DOCK2: variants seen among roughly 807,000 people sequenced by gnomAD.
DOCK2 encodes the protein dedicator of cytokinesis 2, also known as dedicator of cytokinesis protein 2.
A neutral mutation model predicts 248.9 loss-of-function variants in DOCK2; 87 were observed. The observed-to-expected ratio is 0.35, with a 90% CI of 0.29 to 0.42. DOCK2 has a LOEUF of 0.42. Among genes scored for constraint, DOCK2 ranks in the 10% least tolerant of loss-of-function variants. DOCK2 has a pLI of 1.00. For missense variants in DOCK2, 1,747 were observed against 2,300.2 expected (o/e 0.76, Z 4.92); for synonymous variants, 805 against 821.6 (o/e 0.98, Z 0.35).
intron 27 of DOCK2, among the ~76,000 whole-genome samples, chr5:169,931,177 G>A (rs6862278): frequency 0.1 from 15,482 of 152,206 alleles, 1,789 homozygotes; most frequent in African/African-American, 0.29. Context: ...AGTCATGAAA[G>A]TTACCTTCCT....
At chr5:169,888,107 A>G (rs749626546) in intron 27 of DOCK2, among the ~76,000 whole-genome samples, 1 of 152,254 alleles carries the variant, frequency 6.6e-6, no homozygotes, top group Non-Finnish European at 1.5e-5. Flanking sequence ...TTTTAGACAG[A>G]GCCTAGGAAG....
chr5:170,057,678 A>G lies in DOCK2; in HGVS notation c.4467+12A>G. 6.3e-7 allele frequency: 1 copy of G among 1,594,628 alleles called. No individual in the cohort carries two copies. Among genetic ancestry groups the G allele is most frequent in the Non-Finnish European group, 8.6e-7 (1 of 1,168,366 alleles). ...TGCACATGTCGCAGGTGAGTCTGGGACATTCGTGGCAGGGCCACCCTTCCT... is the reference window on the plus strand; with the variant it reads ...TGCACATGTCGCAGGTGAGTCTGGGGCATTCGTGGCAGGGCCACCCTTCCT... On this transcript the variant is annotated intron_variant, in intron 44 of 51. Transcript: ENST00000520908.
intron 27 of DOCK2, among the ~76,000 whole-genome samples, chr5:169,917,856 C>T (rs1273843302): frequency 3.3e-5 from 5 of 152,160 alleles, no homozygotes. Context: ...AGCTGGTCTT[C>T]CCTTTCCACT....
intron 24 of DOCK2, chr5:169,761,264 A>G: frequency 2.7e-6 from 1 of 374,178 alleles, no homozygotes; most frequent in South Asian, 4.6e-5. Flanking sequence ...TGCAAAATGC[A>G]AAGTGTGTGC....
chr5:170,060,484 G>T (rs555891567), intron 44 of DOCK2, among the ~76,000 whole-genome samples: 34 of 152,296 alleles, frequency 2.2e-4, no homozygotes, highest in African/African-American at 7.9e-4. Context: ...GAATCAATGT[G>T]CTAGCTAAGT....
chr5:169,870,017 G>A (rs935012746), intron 27 of DOCK2, among the ~76,000 whole-genome samples: 2 of 152,112 alleles, frequency 1.3e-5, no homozygotes, highest in South Asian at 2.1e-4. Flanking sequence ...GCAAAATTCC[G>A]GACACGAGCC....
At chr5:169,902,140 A>G (rs570612798) in intron 27 of DOCK2, among the ~76,000 whole-genome samples, 1 of 152,328 alleles carries the variant, frequency 6.6e-6, no homozygotes, top group East Asian at 1.9e-4. Context: ...CAGAAATACC[A>G]CAAAAACACT....
intron 27 of DOCK2, among the ~76,000 whole-genome samples, chr5:169,865,699 T>TG (rs1238392556): frequency 2.0e-5 from 3 of 152,138 alleles, no homozygotes; most frequent in Non-Finnish European, 4.4e-5. Flanking sequence ...GTGTGGGAAG[T>TG]GGAGGAAACG....
chr5:169,892,343 A>G (rs1188976795), intron 27 of DOCK2, among the ~76,000 whole-genome samples: 3 of 152,236 alleles, frequency 2.0e-5, no homozygotes, highest in African/African-American at 7.2e-5. Flanking sequence ...TATCCCCTAC[A>G]CCCGCACAGC....
chr5:169,995,855 A>C (rs1181287626), intron 29 of DOCK2, among the ~76,000 whole-genome samples: 3 of 152,210 alleles, frequency 2.0e-5, no homozygotes, highest in Non-Finnish European at 4.4e-5. Flanking sequence ...AACATAAGAC[A>C]ATGCAAATTT....
chr5:169,665,602 T>C (rs1018543994), intron 2 of DOCK2, among the ~76,000 whole-genome samples: 12 of 152,220 alleles, frequency 7.9e-5, no homozygotes, highest in East Asian at 1.9e-4. Flanking sequence ...GTAACACTTA[T>C]CCTGAAATCA....
At chr5:169,816,464 CA>C (rs1450311837) in intron 26 of DOCK2, among the ~76,000 whole-genome samples, 1 of 152,184 alleles carries the variant, frequency 6.6e-6, no homozygotes, top group Non-Finnish European at 1.5e-5. Context: ...ATGCTAAAGT[CA>C]TCTTTGCCCT....
intron 2 of DOCK2, among the ~76,000 whole-genome samples, chr5:169,654,859 C>T (rs1355033359): frequency 1.3e-5 from 2 of 152,094 alleles, no homozygotes; most frequent in Non-Finnish European, 2.9e-5. Flanking sequence ...CCAGGAGAGC[C>T]GATGTGCACA....
At chr5:170,077,641 A>C in intron 47 of DOCK2, 69 bp from the exon 48 acceptor site, 1 of 1,592,604 alleles carries the variant, frequency 6.3e-7, no homozygotes, top group Non-Finnish European at 8.6e-7. Context: ...TGGAGGAAGA[A>C]GGTGACAGGA....
intron 27 of DOCK2, among the ~76,000 whole-genome samples, chr5:169,933,985 C>T (rs532770305): frequency 1.1e-4 from 16 of 152,264 alleles, no homozygotes; most frequent in South Asian, 4.1e-4. Context: ...TCAGCAGGAC[C>T]GGCATCTATT....
chr5:169,642,138 G>A (rs1046327507), intron 1 of DOCK2, among the ~76,000 whole-genome samples: 11 of 152,138 alleles, frequency 7.2e-5, no homozygotes, highest in Non-Finnish European at 1.6e-4. Flanking sequence ...CACTACAGAG[G>A]GACCAATTAT....
chr5:170,029,347 A>G (rs1414266026), intron 34 of DOCK2, among the ~76,000 whole-genome samples: 1 of 152,184 alleles, frequency 6.6e-6, no homozygotes, highest in Non-Finnish European at 1.5e-5. Context: ...GATTTTCAGT[A>G]CACTCACAGG....
Position 170,021,194 on chromosome 5 carries a change from G to A in DOCK2, c.3381+2086G>A, listed in dbSNP as rs577873488. On this transcript the variant is annotated intron_variant, in intron 33 of 51. Transcript: ENST00000520908. ...AAATGGAGAAAGAGGCCGTATCTGA[G>A]CAGTTGGGATAGGGGGAGTGGAAGG... 7.7e-4 allele frequency among the ~76,000 whole-genome samples: 118 copies of A among 152,336 alleles called. 1 individual carries two copies. Among genetic ancestry groups the A allele is most frequent in the African/African-American group, 1.9e-3 (80 of 41,578 alleles).
At chr5:169,699,923 T>C in intron 12 of DOCK2, 91 bp from the exon 13 acceptor site, 1 of 1,562,138 alleles carries the variant, frequency 6.4e-7, no homozygotes, top group Non-Finnish European at 8.7e-7. Flanking sequence ...CCCAGTGATC[T>C]CCAGAAAGAC....
Sources: gnomAD v4.1 joint callset for allele counts (sites outside exome capture counted in the v4.1 genomes callset) on GRCh38, gnomAD v4.1.1 for gene constraint, MANE v1.5 for transcripts, NCBI Gene and HGNC (gene_info 2026-07-23, HGNC 2026-07-21) for gene names.